The following KPNA1 variants were observed in gnomAD, a reference collection of about 807,000 sequenced individuals.
KPNA1 encodes importin subunit alpha-5.
A neutral mutation model predicts 70.5 loss-of-function variants in KPNA1; 10 were observed. The observed-to-expected ratio is 0.14, with a 90% CI of 0.09 to 0.24. The LOEUF (loss-of-function observed/expected upper bound fraction) is 0.24, where lower values mean the gene tolerates loss of function less well. KPNA1 is among the 10% of genes least tolerant of loss of function. The pLI is 1.00. For missense variants in KPNA1, 397 were observed against 637.9 expected, an observed-to-expected ratio of 0.62 and a Z score of 4.07; for synonymous variants, 192 against 221.9, an observed-to-expected ratio of 0.87 and a Z score of 1.20.
At chr3:122,476,691 T>C (rs908448020) in intron 2 of KPNA1, among the ~76,000 whole-genome samples, 7 of 151,170 alleles carry the variant, frequency 4.6e-5, no homozygotes, top group Non-Finnish European at 8.8e-5. Flanking sequence ...ACCAGGGAAA[T>C]ACAAATTGAA....
intron 4 of KPNA1, among the ~76,000 whole-genome samples, chr3:122,461,972 G>A (rs1261583434): frequency 1.3e-5 from 2 of 152,140 alleles, no homozygotes. Context: ...CCAGAAAAAT[G>A]GCAATTAGAT....
chr3:122,435,602 T>C (rs986130805), intron 11 of KPNA1, among the ~76,000 whole-genome samples: 1 of 152,196 alleles, frequency 6.6e-6, no homozygotes, highest in African/African-American at 2.4e-5. Context: ...GGAGGGACCA[T>C]GAAGCCTGGC....
chr3:122,478,045 C>T (rs55961674), intron 2 of KPNA1, among the ~76,000 whole-genome samples: 21,700 of 150,908 alleles, frequency 0.14, 1,667 homozygotes, highest in Middle Eastern at 0.29. Flanking sequence ...GCCTCTAATG[C>T]CAGCTACTTG....
At chr3:122,494,162 T>C (rs2076731299) in intron 2 of KPNA1, among the ~76,000 whole-genome samples, 1 of 152,214 alleles carries the variant, frequency 6.6e-6, no homozygotes, top group Admixed American at 6.5e-5. Context: ...GTCCCATTTA[T>C]CTATTTTTGG....
intron 1 of KPNA1, among the ~76,000 whole-genome samples, chr3:122,508,983 C>T (rs991124618): frequency 6.6e-6 from 1 of 152,162 alleles, no homozygotes; most frequent in Non-Finnish European, 1.5e-5. Flanking sequence ...CGGTAGCTCA[C>T]GCCTGTAATC....
intron 10 of KPNA1, among the ~76,000 whole-genome samples, chr3:122,439,094 A>G (rs1266391303): frequency 2.0e-5 from 3 of 152,232 alleles, no homozygotes; most frequent in African/African-American, 7.2e-5. Context: ...GGATTTCATT[A>G]GCAAAAAGAG....
intron 2 of KPNA1, among the ~76,000 whole-genome samples, chr3:122,495,740 AAAAAAAAGTCACTT>A: frequency 6.6e-6 from 1 of 151,840 alleles, no homozygotes; most frequent in Admixed American, 6.6e-5. Context: ...AAAAAAAAAA[AAAAAAAAGTCACTT>A]AAGCCTTATG....
intron 4 of KPNA1, among the ~76,000 whole-genome samples, chr3:122,462,113 C>T (rs996404576): frequency 6.6e-6 from 1 of 151,908 alleles, no homozygotes; most frequent in Non-Finnish European, 1.5e-5. Flanking sequence ...ATATTAACCA[C>T]GCAGGTAAGC....
At chr3:122,431,828 G>T (rs1478395718) in intron 12 of KPNA1, among the ~76,000 whole-genome samples, 2 of 150,284 alleles carry the variant, frequency 1.3e-5, no homozygotes, top group Admixed American at 1.3e-4. Flanking sequence ...TGTTGAAATG[G>T]AGTCTCACTC....
intron 2 of KPNA1, among the ~76,000 whole-genome samples, chr3:122,491,561 A>T (rs1335336692): frequency 6.6e-6 from 1 of 152,236 alleles, no homozygotes; most frequent in Non-Finnish European, 1.5e-5. Flanking sequence ...TGGTTTGATA[A>T]AAGTGGAAGA....
intron 2 of KPNA1, among the ~76,000 whole-genome samples, chr3:122,477,284 G>A (rs1392430906): frequency 2.0e-5 from 3 of 152,184 alleles, no homozygotes; most frequent in African/African-American, 4.8e-5. Flanking sequence ...GGACAGGAAA[G>A]GCTGGAGAGA....
intron 8 of KPNA1, among the ~76,000 whole-genome samples, chr3:122,450,359 A>C (rs1464680975): frequency 1.3e-5 from 2 of 152,222 alleles, no homozygotes; most frequent in Non-Finnish European, 2.9e-5. Context: ...AGGTGGGTGG[A>C]TCACCTGAGG....
At chr3:122,484,365 T>C (rs548455440) in intron 2 of KPNA1, among the ~76,000 whole-genome samples, 3 of 152,186 alleles carry the variant, frequency 2.0e-5, no homozygotes, top group East Asian at 3.9e-4. Flanking sequence ...ATCTCAATTA[T>C]AAAAAATAAA....
intron 12 of KPNA1, chr3:122,433,066 G>A (rs2075934000): frequency 6.6e-6 from 1 of 152,360 alleles, no homozygotes; most frequent in African/African-American, 2.4e-5. Context: ...GCAACAGAGA[G>A]ACTCCATCTC....
At chr3:122,480,289 C>T (rs79005467) in intron 2 of KPNA1, among the ~76,000 whole-genome samples, 8 of 151,586 alleles carry the variant, frequency 5.3e-5, no homozygotes, top group East Asian at 1.9e-4. Flanking sequence ...CTTTGGGTGA[C>T]GATGTGTCAA....
intron 6 of KPNA1, 95 bp downstream of exon 6, chr3:122,453,775 C>A: frequency 8.3e-7 from 1 of 1,203,064 alleles, no homozygotes; most frequent in Middle Eastern, 2.0e-4. Flanking sequence ...CGTGATCCAC[C>A]CACCTTGGCC....
rs185149735 is a variant in KPNA1 at position 122,448,552 on chromosome 3, T to C, written c.917+1022A>G. Among the ~76,000 whole-genome samples, 544 of 152,124 alleles carry C rather than the reference T, an allele frequency of 3.6e-3. 2 individuals carry two copies. The highest frequency in any genetic ancestry group is 0.012 in the African/African-American group (513 of 41,500). Reference sequence around the variant, plus strand: ...GGTGGGAATTGAACAATGAGAACACTTGGACACAGGGCGGGGAACATCACA... The same window carrying C: ...GGTGGGAATTGAACAATGAGAACACCTGGACACAGGGCGGGGAACATCACA... On this transcript the variant is annotated intron_variant, in intron 9 of 13. Coordinates refer to ENST00000344337, the MANE Select transcript of KPNA1 (RefSeq NM_002264.4).
At chr3:122,498,220 A>G (rs1448513564) in intron 1 of KPNA1, among the ~76,000 whole-genome samples, 1 of 152,176 alleles carries the variant, frequency 6.6e-6, no homozygotes, top group Non-Finnish European at 1.5e-5. Context: ...CTAACTCCCA[A>G]TGTGATAGTG....
Position 122,451,200 on chromosome 3 carries a change from AC to A in KPNA1, c.753+333del, listed in dbSNP as rs143102846. ...AGAACTCACAGACCACACTTTGAGAACCACTGTTTTAAGAGAACTGAAAGGA... is the reference window on the plus strand; with the variant it reads ...AGAACTCACAGACCACACTTTGAGAACACTGTTTTAAGAGAACTGAAAGGA... On this transcript the variant is annotated intron_variant, in intron 8 of 13. Coordinates refer to ENST00000344337, the MANE Select transcript of KPNA1 (RefSeq NM_002264.4). 3.1e-3 allele frequency among the ~76,000 whole-genome samples: 475 copies of A among 152,336 alleles called. 1 individual carries two copies. The highest frequency in any genetic ancestry group is 0.011 in the African/African-American group (452 of 41,584).
Sources: allele counts gnomAD v4.1 joint callset (sites outside exome capture counted in the v4.1 genomes callset), GRCh38; gene constraint gnomAD v4.1.1; transcripts MANE v1.5; gene names NCBI Gene and HGNC (gene_info 2026-07-23, HGNC 2026-07-21).